Variants in NPAS3 observed in about 807,000 individuals in gnomAD.
NPAS3 encodes neuronal PAS domain protein 3, also known as neuronal PAS domain-containing protein 3.
In NPAS3, 14 loss-of-function variants were observed where a neutral mutation model predicts 73.1. That is an observed-to-expected ratio of 0.19 (90% CI 0.13 to 0.30). The LOEUF is 0.30. Among genes scored for constraint, NPAS3 ranks in the 10% least tolerant of loss-of-function variants. The pLI, the probability that NPAS3 is intolerant of heterozygous loss-of-function variation, is 1.00. For missense variants in NPAS3, 1,096 were observed against 1,250.0 expected (o/e 0.88, Z 1.86); for synonymous variants, 620 against 541.5 (o/e 1.14, Z -2.01).
At chr14:32,943,282 T>A (rs1176740440) in intron 1 of NPAS3, among the ~76,000 whole-genome samples, 2 of 152,182 alleles carry the variant, frequency 1.3e-5, no homozygotes, top group Non-Finnish European at 2.9e-5. Flanking sequence ...AAAAGTGATG[T>A]GTAATTAATA....
chr14:33,504,192 T>C (rs539022824), intron 4 of NPAS3, among the ~76,000 whole-genome samples: 10 of 152,148 alleles, frequency 6.6e-5, no homozygotes, highest in African/African-American at 2.4e-4. Context: ...TGCTTCATCA[T>C]ACATGAGGAC....
intron 4 of NPAS3, among the ~76,000 whole-genome samples, chr14:33,427,082 C>T (rs1331431922): frequency 6.6e-6 from 1 of 151,998 alleles, no homozygotes; most frequent in Admixed American, 6.6e-5. Context: ...TGACTTTTAT[C>T]CAGCTGGACT....
rs1230569674 is a variant in NPAS3 at position 33,132,368 on chromosome 14, A to G, written c.140+76374A>G. Reference sequence around the variant, plus strand: ...GGCAGAGCGAAGGGAATGAGTATCCAGATGATTTTGGATTTTCGAGTTGTC... The same window carrying G: ...GGCAGAGCGAAGGGAATGAGTATCCGGATGATTTTGGATTTTCGAGTTGTC... On this transcript the variant is annotated intron_variant, in intron 2 of 11. Coordinates refer to ENST00000356141, the Ensembl canonical transcript of NPAS3. Among the ~76,000 whole-genome samples the G allele has an allele frequency of 2.0e-5, 3 of 152,202 alleles. No individual in the cohort carries two copies. In the East Asian group the frequency reaches 5.8e-4, roughly 29 times the overall value.
chr14:33,326,922 G>T (rs1305340255), intron 3 of NPAS3, among the ~76,000 whole-genome samples: 5 of 152,144 alleles, frequency 3.3e-5, no homozygotes, highest in Non-Finnish European at 7.3e-5. Context: ...GCAAAGGGTT[G>T]ATGAGTTACA....
intron 4 of NPAS3, among the ~76,000 whole-genome samples, chr14:33,395,740 C>A (rs948265609): frequency 1.4e-4 from 22 of 152,154 alleles, no homozygotes; most frequent in African/African-American, 4.8e-4. Context: ...AAACCTCAGA[C>A]ATTTTGGCAT....
chr14:33,463,963 G>C (rs1304667955), intron 4 of NPAS3, among the ~76,000 whole-genome samples: 3 of 152,108 alleles, frequency 2.0e-5, no homozygotes, highest in Admixed American at 1.3e-4. Flanking sequence ...TTGGATTCCT[G>C]GCATGGCAAA....
chr14:32,949,299 T>A (rs1449219864), intron 1 of NPAS3, among the ~76,000 whole-genome samples: 4 of 152,100 alleles, frequency 2.6e-5, no homozygotes, highest in Non-Finnish European at 5.9e-5. Context: ...TTCCTTTTAA[T>A]AATTACTTTA....
In NPAS3 at chr14:33,147,730, A is replaced by AAAAAATATATATATAT. The variant is rs372663411; in HGVS notation, c.141-67451_141-67450insAAAATATATATATATA. ...CCCTAGAACTTAAAGTAGAATAAAA[A>AAAAAATATATATATAT]ATATATATATATATATATATATATA... On this transcript the variant is annotated intron_variant, in intron 2 of 11. Transcript: ENST00000356141. Among the ~76,000 whole-genome samples, 358 of 130,312 alleles carry AAAAAATATATATATAT rather than the reference A, an allele frequency of 2.7e-3. 3 individuals are homozygous for AAAAAATATATATATAT. The highest frequency in any genetic ancestry group is 9.8e-3 in the African/African-American group (301 of 30,866). The allele number at this position is 130,312 out of a possible 152,430, so 85.5% of individuals were successfully genotyped here.
intron 5 of NPAS3, among the ~76,000 whole-genome samples, chr14:33,662,915 C>T (rs1163204498): frequency 1.2e-4 from 15 of 125,830 alleles, no homozygotes; most frequent in East Asian, 2.5e-4. Flanking sequence ...GACTGGAGTG[C>T]GGTGGCACGA....
intron 4 of NPAS3, among the ~76,000 whole-genome samples, chr14:33,549,231 C>T (rs1238109041): frequency 1.3e-5 from 2 of 152,114 alleles, no homozygotes; most frequent in African/African-American, 4.8e-5. Flanking sequence ...AATTTGAGCA[C>T]CTATTTTATT....
At chr14:33,257,723 C>T (rs561473092) in intron 3 of NPAS3, among the ~76,000 whole-genome samples, 25 of 152,166 alleles carry the variant, frequency 1.6e-4, no homozygotes, top group African/African-American at 6.0e-4. Context: ...TAACAGGTCA[C>T]TCCAGGGAAA....
At chr14:32,971,134 G>A (rs1389574121) in intron 1 of NPAS3, among the ~76,000 whole-genome samples, 1 of 150,968 alleles carries the variant, frequency 6.6e-6, no homozygotes, top group Admixed American at 6.6e-5. Flanking sequence ...GCCCATGCTG[G>A]AGGGCAGTGG....
chr14:33,204,142 G>A (rs2046733054), intron 2 of NPAS3, among the ~76,000 whole-genome samples: 1 of 152,148 alleles, frequency 6.6e-6, no homozygotes, highest in East Asian at 1.9e-4. Context: ...AACGTGTGTA[G>A]GGTCCAGGGA....
intron 3 of NPAS3, among the ~76,000 whole-genome samples, chr14:33,230,241 C>T (rs1029245874): frequency 1.3e-5 from 2 of 152,156 alleles, no homozygotes; most frequent in South Asian, 2.1e-4. Flanking sequence ...ACACAACCAG[C>T]GCCAAACTAT....
intron 4 of NPAS3, among the ~76,000 whole-genome samples, chr14:33,544,829 G>A (rs8008088): frequency 1.1e-3 from 84 of 79,890 alleles, no homozygotes; most frequent in Middle Eastern, 7.1e-3. Flanking sequence ...TAATATATAT[G>A]TGTATATATA....
At chr14:33,781,662 G>A (rs961426786) in intron 9 of NPAS3, among the ~76,000 whole-genome samples, 1 of 152,156 alleles carries the variant, frequency 6.6e-6, no homozygotes, top group African/African-American at 2.4e-5. Context: ...TAGAGCTATT[G>A]GCACAATTCC....
At chr14:33,116,672 A>G (rs2043074757) in intron 2 of NPAS3, among the ~76,000 whole-genome samples, 1 of 152,064 alleles carries the variant, frequency 6.6e-6, no homozygotes, top group South Asian at 2.1e-4. Context: ...CGAACTGACA[A>G]AAGTTGTGCC....
intron 4 of NPAS3, among the ~76,000 whole-genome samples, chr14:33,458,538 C>T (rs2050119071): frequency 1.3e-5 from 2 of 152,146 alleles, no homozygotes; most frequent in African/African-American, 4.8e-5. Flanking sequence ...AAATTATTTT[C>T]ATTAGAGTTA....
At chr14:33,096,147 T>C (rs2042413329) in intron 2 of NPAS3, among the ~76,000 whole-genome samples, 1 of 151,868 alleles carries the variant, frequency 6.6e-6, no homozygotes, top group Non-Finnish European at 1.5e-5. Context: ...TTCATACATT[T>C]CTATGCCAAT....
Sources: allele counts gnomAD v4.1 joint callset (sites outside exome capture counted in the v4.1 genomes callset), GRCh38; gene constraint gnomAD v4.1.1; transcripts MANE v1.5; gene names NCBI Gene and HGNC (gene_info 2026-07-23, HGNC 2026-07-21).